The following GPHN variants were observed in gnomAD, a reference collection of about 807,000 sequenced individuals.
The protein encoded by GPHN is gephyrin.
In GPHN, 17 loss-of-function variants were observed where a neutral mutation model predicts 95.5. That is an observed-to-expected ratio of 0.18 (90% CI 0.12 to 0.27). The LOEUF is 0.27. GPHN is among the 10% of genes least tolerant of loss of function. GPHN has a pLI of 1.00. For missense variants in GPHN, 660 were observed against 978.1 expected (o/e 0.67, Z 4.34); for synonymous variants, 320 against 322.5 (o/e 0.99, Z 0.08).
At chr14:67,103,508 TCTC>T (rs2077848313) in intron 13 of GPHN, among the ~76,000 whole-genome samples, 1 of 142,288 alleles carries the variant, frequency 7.0e-6, no homozygotes, top group Non-Finnish European at 1.5e-5. Flanking sequence ...GCTGTTTCTT[TCTC>T]TTTTTTTTTT....
the GPHN span, among the ~76,000 whole-genome samples, chr14:67,558,173 T>C: frequency 6.6e-6 from 1 of 152,194 alleles, no homozygotes; most frequent in Non-Finnish European, 1.5e-5. Context: ...TCCATCCCAG[T>C]TCTGTCCCTT....
the GPHN span, chr14:67,474,013 G>A: frequency 0.017 from 24,920 of 1,437,722 alleles, 265 homozygotes; most frequent in Middle Eastern, 0.021. Context: ...TGCGCTTTGG[G>A]AGGCCGAGGC....
At chr14:67,412,083 A>G in the GPHN span, 1 of 1,512,716 alleles carries the variant, frequency 6.6e-7, no homozygotes. Flanking sequence ...CGCCAGGGCC[A>G]CCCCAGGTGC....
chr14:66,585,074 T>A (rs760570962), intron 1 of GPHN, among the ~76,000 whole-genome samples: 6 of 152,184 alleles, frequency 3.9e-5, no homozygotes, highest in African/African-American at 7.2e-5. Context: ...GAGCCTGTTA[T>A]TGGTCTATTC....
the GPHN span, among the ~76,000 whole-genome samples, chr14:67,374,009 T>G: frequency 4.6e-5 from 7 of 152,130 alleles, no homozygotes; most frequent in East Asian, 1.9e-4. Flanking sequence ...TGAAAATTAT[T>G]AGTTCTCTCC....
At chr14:67,030,154 T>G (rs568284072) in intron 10 of GPHN, among the ~76,000 whole-genome samples, 1 of 150,926 alleles carries the variant, frequency 6.6e-6, no homozygotes, top group Non-Finnish European at 1.5e-5. Flanking sequence ...TTCCTAAACT[T>G]CAGTTTTTTT....
chr14:67,233,752 T>G, the GPHN span, among the ~76,000 whole-genome samples: 1 of 152,186 alleles, frequency 6.6e-6, no homozygotes, highest in Non-Finnish European at 1.5e-5. Context: ...TGAAGGTAGA[T>G]AAACAGGATT....
the GPHN span, among the ~76,000 whole-genome samples, chr14:67,245,384 AT>A: frequency 6.6e-6 from 1 of 152,078 alleles, no homozygotes; most frequent in Non-Finnish European, 1.5e-5. Context: ...CATTTCCCCC[AT>A]GACTGAGGAT....
the GPHN span, among the ~76,000 whole-genome samples, chr14:67,212,648 TATATATA>T: frequency 6.8e-6 from 1 of 146,270 alleles, no homozygotes; most frequent in Admixed American, 6.9e-5. Flanking sequence ...ATATTACATA[TATATATA>T]ATATATATTT....
chr14:67,079,883 T>C (rs2076623638), intron 11 of GPHN, among the ~76,000 whole-genome samples: 1 of 152,130 alleles, frequency 6.6e-6, no homozygotes, highest in African/African-American at 2.4e-5. Context: ...CTATTGTGAA[T>C]ATAGTTTCTA....
intron 9 of GPHN, among the ~76,000 whole-genome samples, chr14:66,977,016 A>G (rs766390732): frequency 2.6e-5 from 4 of 152,136 alleles, no homozygotes; most frequent in African/African-American, 4.8e-5. Context: ...TATAATCATC[A>G]GTACTGTAAT....
the GPHN span, chr14:67,387,126 G>A: frequency 1.7e-5 from 8 of 461,472 alleles, no homozygotes; most frequent in East Asian, 3.0e-4. Flanking sequence ...GGCTGTTCTA[G>A]CCTTTCCAGG....
At chr14:66,642,332 C>A (rs966116255) in intron 1 of GPHN, among the ~76,000 whole-genome samples, 1 of 152,020 alleles carries the variant, frequency 6.6e-6, no homozygotes, top group African/African-American at 2.4e-5. Context: ...GTCATTGATT[C>A]CAAGCATGAG....
the GPHN span, among the ~76,000 whole-genome samples, chr14:67,608,467 T>G: frequency 6.6e-6 from 1 of 152,134 alleles, no homozygotes; most frequent in African/African-American, 2.4e-5. Context: ...TAGATTTTGG[T>G]ATCTGAGGGA....
At chr14:66,918,232 T>C (rs1415921197) in intron 6 of GPHN, among the ~76,000 whole-genome samples, 2 of 152,188 alleles carry the variant, frequency 1.3e-5, no homozygotes, top group African/African-American at 2.4e-5. Flanking sequence ...TTTGGAGACA[T>C]GGACATGTCA....
chr14:67,045,188 A>C (rs1251732674), intron 10 of GPHN, among the ~76,000 whole-genome samples: 1 of 152,224 alleles, frequency 6.6e-6, no homozygotes, highest in Non-Finnish European at 1.5e-5. Context: ...CGTGTCCTAA[A>C]GGACCCATGA....
chr14:67,182,894 A>C (rs1164943913), downstream of GPHN, among the ~76,000 whole-genome samples: 1 of 134,054 alleles, frequency 7.5e-6, no homozygotes, highest in African/African-American at 2.9e-5. Context: ...TGCTCAGGAT[A>C]GAGTGCAGTA....
At chr14:66,863,329 A>T (rs1392983040) in intron 4 of GPHN, among the ~76,000 whole-genome samples, 2 of 152,086 alleles carry the variant, frequency 1.3e-5, no homozygotes, top group East Asian at 3.9e-4. Context: ...AGGACACCAA[A>T]AACTGGAAAG....
rs553971160 is a variant in GPHN at position 66,806,657 on chromosome 14, G to A, written c.202-17817G>A. 4.3e-4 allele frequency among the ~76,000 whole-genome samples: 66 copies of A among 152,198 alleles called. 1 individual carries two copies. Among genetic ancestry groups the A allele is most frequent in the African/African-American group, 1.6e-3 (65 of 41,506 alleles). On this transcript the variant is annotated intron_variant, in intron 3 of 22. Transcript: ENST00000478722. ...GTTCAAAGTTATTGAACTCTCTAGG[G>A]CAGAGTCAAAATGCTGCCAGTCTCT... is the stretch of plus-strand genomic sequence containing the variant.
Sources: allele counts gnomAD v4.1 joint callset (sites outside exome capture counted in the v4.1 genomes callset), GRCh38; gene constraint gnomAD v4.1.1; transcripts MANE v1.5; gene names NCBI Gene and HGNC (gene_info 2026-07-23, HGNC 2026-07-21).